Variants in PSIP1 observed in about 807,000 individuals in gnomAD.
PSIP1 encodes PC4 and SFRS1-interacting protein.
A neutral mutation model predicts 74.7 loss-of-function variants in PSIP1; 19 were observed. The observed-to-expected ratio is 0.25, with a 90% CI of 0.18 to 0.37. PSIP1 has a LOEUF of 0.37. PSIP1 is among the 10% of genes least tolerant of loss of function. The pLI is 1.00. For synonymous variants in PSIP1, 222 were observed against 195.3 expected (o/e 1.14, Z -1.14); for missense variants, 601 against 614.3 (o/e 0.98, Z 0.23).
At chr9:15,467,766 G>A (rs555753502) in intron 14 of PSIP1, among the ~76,000 whole-genome samples, 12 of 152,314 alleles carry the variant, frequency 7.9e-5, no homozygotes, top group Non-Finnish European at 1.5e-4. Flanking sequence ...GCTAAAGTTA[G>A]TGAAAAAAGT....
At chr9:15,467,078 T>G (rs1248105657) in intron 14 of PSIP1, among the ~76,000 whole-genome samples, 1 of 152,180 alleles carries the variant, frequency 6.6e-6, no homozygotes, top group Admixed American at 6.5e-5. Context: ...CACCAGAGGC[T>G]TTGGGTAGCT....
chr9:15,477,250 T>C (rs779867642), intron 8 of PSIP1, among the ~76,000 whole-genome samples: 15 of 152,206 alleles, frequency 9.9e-5, no homozygotes, highest in Admixed American at 4.6e-4. Flanking sequence ...GTGTTTATGG[T>C]GTGCAACACA....
chr9:15,486,684 A>C, intron 5 of PSIP1, 143 bp downstream of exon 5: 2 of 635,084 alleles, frequency 3.1e-6, no homozygotes, highest in Non-Finnish European at 5.5e-6. Flanking sequence ...TAATATTTAC[A>C]CAAGGAAATA....
At chr9:15,478,896 T>C (rs1437310240) in intron 7 of PSIP1, among the ~76,000 whole-genome samples, 1 of 152,068 alleles carries the variant, frequency 6.6e-6, no homozygotes, top group African/African-American at 2.4e-5. Context: ...CATATTATAT[T>C]ACTTATGCAG....
intron 15 of PSIP1, chr9:15,466,035 G>C (rs1046388): frequency 0.24 from 36,322 of 154,086 alleles, 7,274 homozygotes; most frequent in African/African-American, 0.55. Context: ...GTGGAACAAA[G>C]CAAGACTTCA....
intron 8 of PSIP1, among the ~76,000 whole-genome samples, chr9:15,474,534 A>G (rs1232420444): frequency 1.3e-5 from 2 of 152,216 alleles, no homozygotes; most frequent in African/African-American, 4.8e-5. Context: ...GTGAAATCAA[A>G]TACGGTCGTT....
intron 8 of PSIP1, among the ~76,000 whole-genome samples, chr9:15,476,172 C>T (rs931656979): frequency 2.0e-5 from 3 of 152,184 alleles, no homozygotes; most frequent in Non-Finnish European, 4.4e-5. Flanking sequence ...ACTCAGCCTA[C>T]GCACAGCATG....
intron 9 of PSIP1, among the ~76,000 whole-genome samples, chr9:15,473,565 T>G (rs929644579): frequency 1.4e-4 from 21 of 152,198 alleles, no homozygotes; most frequent in Admixed American, 1.1e-3. Context: ...CACTGATATT[T>G]ATAGACTTCC....
At chr9:15,501,032 A>T (rs2132209216) in intron 3 of PSIP1, among the ~76,000 whole-genome samples, 1 of 152,344 alleles carries the variant, frequency 6.6e-6, no homozygotes, top group African/African-American at 2.4e-5. Context: ...CATTGTTCTA[A>T]GCATTATTCA....
intron 10 of PSIP1, chr9:15,471,417 T>TAA: frequency 9.5e-6 from 14 of 1,476,214 alleles, no homozygotes; most frequent in Non-Finnish European, 1.3e-5. Flanking sequence ...CTGAAATACA[T>TAA]AAAGATAACT....
chr9:15,493,445 G>C (rs184019899), intron 3 of PSIP1, among the ~76,000 whole-genome samples: 2 of 152,240 alleles, frequency 1.3e-5, no homozygotes, highest in African/African-American at 4.8e-5. Flanking sequence ...CTTCTTGTGA[G>C]CCCTCCAAAC....
rs1278297308 is a variant in PSIP1 at position 15,464,681 on chromosome 9, C to A, written c.*839G>T. ...AGTGACTTCCTAAAGACATTTTTAA[C>A]AACATTCCTCAAAAATAAACTTACT... is the stretch of plus-strand genomic sequence containing the variant. On this transcript the variant is annotated 3_prime_UTR_variant, in exon 16 of 16. Coordinates refer to ENST00000380733, the MANE Select transcript of PSIP1 (RefSeq NM_033222.5). 1.5e-5 allele frequency: 3 copies of A among 197,478 alleles called. No homozygotes were observed. The highest frequency in any genetic ancestry group is 6.9e-5 in the African/African-American group (3 of 43,318). 12.2% of individuals were successfully genotyped at this position (197,478 alleles called of 1,614,324 possible).
At chr9:15,469,876 A>G in intron 11 of PSIP1, 62 bp downstream of exon 11, 2 of 1,380,414 alleles carry the variant, frequency 1.4e-6, no homozygotes, top group Non-Finnish European at 2.0e-6. Flanking sequence ...ATGAAAAGTT[A>G]TGTCTATATA....
At chr9:15,480,077 T>C (rs1165102828) in intron 6 of PSIP1, among the ~76,000 whole-genome samples, 1 of 152,224 alleles carries the variant, frequency 6.6e-6, no homozygotes, top group East Asian at 1.9e-4. Context: ...TTAGGAGTTA[T>C]TCTTATTTCC....
intron 6 of PSIP1, among the ~76,000 whole-genome samples, chr9:15,482,646 A>T (rs1239590917): frequency 6.6e-6 from 1 of 152,184 alleles, no homozygotes; most frequent in Non-Finnish European, 1.5e-5. Flanking sequence ...ACATAAAATA[A>T]TTTATACTGA....
chr9:15,484,217 C>T (rs1056991449), intron 6 of PSIP1, among the ~76,000 whole-genome samples: 5 of 150,850 alleles, frequency 3.3e-5, no homozygotes, highest in African/African-American at 1.2e-4. Context: ...CATCTGCAAT[C>T]CTAGTGCTTT....
At chr9:15,502,239 A>T (rs756711182) in intron 3 of PSIP1, among the ~76,000 whole-genome samples, 1 of 152,182 alleles carries the variant, frequency 6.6e-6, no homozygotes, top group Non-Finnish European at 1.5e-5. Context: ...TGTAAATGCT[A>T]TATAGTTGTT....
intron 8 of PSIP1, among the ~76,000 whole-genome samples, chr9:15,476,136 C>G (rs970562983): frequency 6.6e-6 from 1 of 152,140 alleles, no homozygotes; most frequent in African/African-American, 2.4e-5. Context: ...TGCCCAGATA[C>G]ACAGCCAAGA....
intron 3 of PSIP1, among the ~76,000 whole-genome samples, chr9:15,495,071 A>C (rs1041067966): frequency 6.6e-6 from 1 of 152,182 alleles, no homozygotes; most frequent in African/African-American, 2.4e-5. Flanking sequence ...TAAAATTTGG[A>C]AGCTAAAAAG....
Sources: allele counts gnomAD v4.1 joint callset (sites outside exome capture counted in the v4.1 genomes callset), GRCh38; gene constraint gnomAD v4.1.1; transcripts MANE v1.5; gene names NCBI Gene and HGNC (gene_info 2026-07-23, HGNC 2026-07-21).